Variants in ADAMTS3 observed in about 807,000 individuals in gnomAD.
ADAMTS3 encodes the protein A disintegrin and metalloproteinase with thrombospondin motifs 3.
ADAMTS3 carries 73 observed loss-of-function variants against 129.0 expected under a neutral mutation model. That is an observed-to-expected ratio of 0.57 (90% CI 0.47 to 0.69). The LOEUF (loss-of-function observed/expected upper bound fraction) is 0.69. ADAMTS3 is among the 30% of genes least tolerant of loss of function. The pLI is 0.00. For synonymous variants in ADAMTS3, 477 were observed against 510.8 expected, an observed-to-expected ratio of 0.93 and a Z score of 0.89; for missense variants, 1,457 against 1,514.5, an observed-to-expected ratio of 0.96 and a Z score of 0.63.
chr4:72,465,387 T>G (rs1319431027), intron 3 of ADAMTS3, among the ~76,000 whole-genome samples: 1 of 151,996 alleles, frequency 6.6e-6, no homozygotes, highest in Non-Finnish European at 1.5e-5. Context: ...AGGCCAGTCT[T>G]TACCAAGGCT....
At chr4:72,537,621 C>T (rs1370393599) in intron 3 of ADAMTS3, among the ~76,000 whole-genome samples, 1 of 152,034 alleles carries the variant, frequency 6.6e-6, no homozygotes, top group Non-Finnish European at 1.5e-5. Context: ...TAAACAACAA[C>T]AACAACAACA....
intron 5 of ADAMTS3, among the ~76,000 whole-genome samples, chr4:72,326,580 C>T (rs952338271): frequency 6.6e-6 from 1 of 152,074 alleles, no homozygotes; most frequent in Non-Finnish European, 1.5e-5. Flanking sequence ...ACAAACTCTA[C>T]TTTTACTTGC....
chr4:72,526,572 G>GTGTGTC (rs1268222220), intron 3 of ADAMTS3, among the ~76,000 whole-genome samples: 110 of 135,164 alleles, frequency 8.1e-4, no homozygotes, highest in Non-Finnish European at 2.7e-4. Flanking sequence ...TGAAATTTAT[G>GTGTGTC]TGTGTGTGTG....
chr4:72,559,585 C>G (rs1721850150), intron 2 of ADAMTS3, among the ~76,000 whole-genome samples: 1 of 151,522 alleles, frequency 6.6e-6, no homozygotes, highest in Non-Finnish European at 1.5e-5. Flanking sequence ...GCAGACCTAC[C>G]TAAAATGTAC....
At chr4:72,449,747 C>G (rs1428016407) in intron 3 of ADAMTS3, among the ~76,000 whole-genome samples, 1 of 151,734 alleles carries the variant, frequency 6.6e-6, no homozygotes, top group East Asian at 2.0e-4. Flanking sequence ...ACAAGACTGG[C>G]TTCTTCCCAT....
At chr4:72,526,438 T>C (rs1720808624) in intron 3 of ADAMTS3, among the ~76,000 whole-genome samples, 1 of 151,972 alleles carries the variant, frequency 6.6e-6, no homozygotes. Flanking sequence ...CTGGCAATTT[T>C]TTTCATTGTT....
At chr4:72,402,683 C>A (rs994371619) in intron 4 of ADAMTS3, among the ~76,000 whole-genome samples, 1 of 152,016 alleles carries the variant, frequency 6.6e-6, no homozygotes. Context: ...ATTATAAAGA[C>A]CCAGAATGAA....
chr4:72,378,463 G>T (rs1330095769), intron 4 of ADAMTS3, among the ~76,000 whole-genome samples: 1 of 152,080 alleles, frequency 6.6e-6, no homozygotes, highest in Non-Finnish European at 1.5e-5. Flanking sequence ...TTATTGTTAT[G>T]ATTGTTATTA....
In ADAMTS3 at chr4:72,548,732, T is replaced by G; in HGVS notation, c.250A>C (p.Ile84Leu). 6.2e-7 allele frequency: 1 copy of G among 1,614,050 alleles called. No individual in the cohort carries two copies. The highest frequency in any genetic ancestry group is 8.5e-7 in the Non-Finnish European group (1 of 1,179,938). Residue 84 changes from isoleucine to leucine, a missense_variant, in exon 3 of 22, where the codon ATC becomes CTC. Ile to Leu is a conservative substitution (Grantham distance 5, BLOSUM62 2). Transcript: ENST00000286657. Reference protein sequence around the residue: ...SSNPEQLFFNITAFGKDFHLR... With the variant: ...SSNPEQLFFNLTAFGKDFHLR... ...TGAAAATCTTTTCCAAATGCCGTGA[T>G]GTTAAAGAACAACTGCTCAGGGTTG...
At chr4:72,504,320 A>G (rs1720101278) in intron 3 of ADAMTS3, among the ~76,000 whole-genome samples, 1 of 152,038 alleles carries the variant, frequency 6.6e-6, no homozygotes, top group Admixed American at 6.6e-5. Context: ...TTTCTCTTTC[A>G]TTTATAAAGC....
chr4:72,472,075 A>G (rs1719087441), intron 3 of ADAMTS3, among the ~76,000 whole-genome samples: 1 of 152,122 alleles, frequency 6.6e-6, no homozygotes, highest in Non-Finnish European at 1.5e-5. Context: ...GAAGATCTAG[A>G]AATAAGAACT....
chr4:72,461,929 T>C (rs1230879579), intron 3 of ADAMTS3, among the ~76,000 whole-genome samples: 1 of 151,862 alleles, frequency 6.6e-6, no homozygotes, highest in Non-Finnish European at 1.5e-5. Context: ...CTCTACTTCA[T>C]CCTTTATCGC....
intron 5 of ADAMTS3, among the ~76,000 whole-genome samples, chr4:72,337,139 T>C (rs1232696427): frequency 6.6e-6 from 1 of 152,160 alleles, no homozygotes; most frequent in Non-Finnish European, 1.5e-5. Flanking sequence ...TCCAAATCTC[T>C]TACCTGTATT....
chr4:72,306,955 A>T (rs1001985568), intron 15 of ADAMTS3, among the ~76,000 whole-genome samples: 1 of 151,904 alleles, frequency 6.6e-6, no homozygotes, highest in Non-Finnish European at 1.5e-5. Flanking sequence ...ATGACCTGAC[A>T]ATAGTCAGGT....
At chr4:72,403,993 T>G (rs1485156366) in intron 4 of ADAMTS3, among the ~76,000 whole-genome samples, 3 of 152,060 alleles carry the variant, frequency 2.0e-5, no homozygotes, top group African/African-American at 7.2e-5. Context: ...CATACTAGAA[T>G]TCTTGCATGA....
chr4:72,433,456 C>T (rs186117276), intron 3 of ADAMTS3, among the ~76,000 whole-genome samples: 2 of 151,924 alleles, frequency 1.3e-5, no homozygotes, highest in Admixed American at 6.6e-5. Flanking sequence ...TAAGACTCGA[C>T]CCTGGTATAT....
At chr4:72,479,646 T>C (rs1234542165) in intron 3 of ADAMTS3, among the ~76,000 whole-genome samples, 5 of 152,180 alleles carry the variant, frequency 3.3e-5, no homozygotes, top group Non-Finnish European at 5.9e-5. Context: ...AAGGACTTCA[T>C]GTCTAAAACA....
chr4:72,411,977 A>C (rs1722194960), intron 4 of ADAMTS3, among the ~76,000 whole-genome samples: 1 of 152,062 alleles, frequency 6.6e-6, no homozygotes, highest in African/African-American at 2.4e-5. Flanking sequence ...CTTGCAACAA[A>C]CTACAGAACT....
intron 2 of ADAMTS3, 106 bp downstream of exon 2, chr4:72,567,268 T>C: frequency 8.8e-7 from 1 of 1,138,344 alleles, no homozygotes. Context: ...AGATTATTTT[T>C]TTTAACCACC....
Sources: allele counts gnomAD v4.1 joint callset (sites outside exome capture counted in the v4.1 genomes callset), GRCh38; gene constraint gnomAD v4.1.1; transcripts MANE v1.5; gene names NCBI Gene and HGNC (gene_info 2026-07-23, HGNC 2026-07-21).